ZNF254: variants seen among roughly 807,000 people sequenced by gnomAD.
ZNF254 encodes CTD-2017D11.1.
In ZNF254, 10 loss-of-function variants were observed where a neutral mutation model predicts 12.4. The observed-to-expected ratio is 0.80, with a 90% CI of 0.50 to 1.36. The LOEUF (loss-of-function observed/expected upper bound fraction) is 1.36. Among genes scored for constraint, ZNF254 ranks in the 40% most tolerant of loss-of-function variants. The pLI is 0.00. For missense variants in ZNF254, 996 were observed against 763.9 expected, an observed-to-expected ratio of 1.30 and a Z score of -3.58; for synonymous variants, 305 against 253.4, an observed-to-expected ratio of 1.20 and a Z score of -1.93.
intron 2 of ZNF254, among the ~76,000 whole-genome samples, chr19:24,069,604 C>CAA (rs968664535): frequency 6.0e-4 from 22 of 36,672 alleles, no homozygotes; most frequent in African/African-American, 1.1e-3. Context: ...GACTCCATCT[C>CAA]AAAAAAAAAA....
Position 24,129,847 on chromosome 19 carries a change from T to A in ZNF254, c.*1867T>A, listed in dbSNP as rs1054323630. On this transcript the variant is annotated 3_prime_UTR_variant, in exon 4 of 4. Coordinates refer to ENST00000357002, the MANE Select transcript of ZNF254 (RefSeq NM_203282.4). ...AGTTCTGAATAAATATTTTTAAAAA[T>A]TTTAATATATTTTTCTTTGAATATG... 1 of 151,984 alleles carries A rather than the reference T, an allele frequency of 6.6e-6. No homozygotes were observed. The highest frequency in any genetic ancestry group is 1.5e-5 in the Non-Finnish European group (1 of 67,946). The allele number at this position is 151,984 out of a possible 1,614,324, so 9.4% of individuals were successfully genotyped here.
chr19:24,035,720 G>A (rs1298197238), intron 1 of ZNF254, among the ~76,000 whole-genome samples: 1 of 152,002 alleles, frequency 6.6e-6, no homozygotes, highest in Non-Finnish European at 1.5e-5. Flanking sequence ...GTCAAAATTT[G>A]GGAGCCTGAG....
At chr19:24,054,633 A>G (rs1399205287) in intron 2 of ZNF254, among the ~76,000 whole-genome samples, 1 of 152,144 alleles carries the variant, frequency 6.6e-6, no homozygotes, top group African/African-American at 2.4e-5. Flanking sequence ...CTATGGCTGA[A>G]GTCTTGAATC....
intron 2 of ZNF254, among the ~76,000 whole-genome samples, chr19:24,062,087 C>CAAAAAAAAAAA (rs72097158): frequency 2.2e-4 from 25 of 114,948 alleles, no homozygotes; most frequent in South Asian, 2.9e-4. Context: ...CTCTGTCTCA[C>CAAAAAAAAAAA]AAAAAAAAAA....
Position 24,127,863 on chromosome 19 carries a change from G to C in ZNF254, c.1863G>C (p.Lys621Asn), listed in dbSNP as rs1975009414. Reference sequence around the variant, plus strand: ...GGTCCTCAACCCTAACTAAACATAAGAGAATTCATACTGGAGAGCAACCCT... The same window carrying C: ...GGTCCTCAACCCTAACTAAACATAACAGAATTCATACTGGAGAGCAACCCT... ...FFWSSTLTKH[K>N]RIHTGEQPYK... Residue 621 changes from lysine to asparagine, a missense_variant, in exon 4 of 4, where the codon AAG (lysine) becomes AAC (asparagine). Lys to Asn is a moderately conservative substitution (Grantham distance 94). Coordinates refer to ENST00000357002, the MANE Select transcript of ZNF254 (RefSeq NM_203282.4). 6.2e-7 allele frequency: 1 copy of C among 1,613,382 alleles called. No homozygotes were observed. Among genetic ancestry groups the C allele is most frequent in the South Asian group, 1.1e-5 (1 of 91,064 alleles).
At chr19:24,105,355 TAA>T (rs796272816) in intron 1 of ZNF254, 38 of 206,378 alleles carry the variant, frequency 1.8e-4, no homozygotes, top group Non-Finnish European at 2.6e-4. Flanking sequence ...CTAGAAAAAC[TAA>T]AAAAAAAAAC....
At chr19:24,036,952 C>G (rs538178549) in intron 1 of ZNF254, among the ~76,000 whole-genome samples, 143 of 152,276 alleles carry the variant, frequency 9.4e-4, no homozygotes, top group African/African-American at 3.3e-3. Flanking sequence ...AAATTTCTCA[C>G]CAAAGAATTA....
At chr19:24,102,237 T>G (rs1973075686) in intron 1 of ZNF254, among the ~76,000 whole-genome samples, 1 of 151,790 alleles carries the variant, frequency 6.6e-6, no homozygotes, top group South Asian at 2.1e-4. Context: ...TTGTTTTTTT[T>G]TTTTTTTGCC....
chr19:24,124,757 C>A (rs1215122840), intron 3 of ZNF254, among the ~76,000 whole-genome samples: 1 of 151,466 alleles, frequency 6.6e-6, no homozygotes, highest in Non-Finnish European at 1.5e-5. Context: ...AATGGCACAT[C>A]ACTTTTTTTC....
intron 1 of ZNF254, among the ~76,000 whole-genome samples, chr19:24,103,148 A>G (rs1973131176): frequency 6.6e-6 from 1 of 152,198 alleles, no homozygotes; most frequent in South Asian, 2.1e-4. Flanking sequence ...TGTAAACTTT[A>G]AAGAGCCAGA....
At chr19:24,071,672 G>T (rs1484221158) in intron 2 of ZNF254, among the ~76,000 whole-genome samples, 1 of 152,110 alleles carries the variant, frequency 6.6e-6, no homozygotes, top group African/African-American at 2.4e-5. Context: ...TAATGCCACT[G>T]CACTCCAGCC....
intron 2 of ZNF254, among the ~76,000 whole-genome samples, chr19:24,076,627 A>T (rs1157700685): frequency 6.6e-6 from 1 of 152,168 alleles, no homozygotes; most frequent in Non-Finnish European, 1.5e-5. Context: ...GATCCATTGT[A>T]AAATTATGAA....
chr19:24,036,208 G>A (rs913682669), intron 1 of ZNF254, among the ~76,000 whole-genome samples: 11 of 151,628 alleles, frequency 7.3e-5, no homozygotes, highest in African/African-American at 1.5e-4. Flanking sequence ...GACTATAGGC[G>A]CCTGCCACCA....
chr19:24,063,218 C>A (rs1971141445), intron 2 of ZNF254, among the ~76,000 whole-genome samples: 1 of 152,226 alleles, frequency 6.6e-6, no homozygotes, highest in African/African-American at 2.4e-5. Flanking sequence ...CATTCCTTGA[C>A]TCAGGACATG....
intron 1 of ZNF254, among the ~76,000 whole-genome samples, chr19:24,090,827 C>CA (rs1220660124): frequency 1.3e-5 from 2 of 151,596 alleles, no homozygotes; most frequent in East Asian, 3.9e-4. Context: ...AGGTGAGTTT[C>CA]AAAAACATTA....
intron 1 of ZNF254, among the ~76,000 whole-genome samples, chr19:24,094,830 G>T (rs1417397863): frequency 6.6e-6 from 1 of 152,066 alleles, no homozygotes; most frequent in African/African-American, 2.4e-5. Context: ...GGGATTACAG[G>T]CACCTGCCAT....
chr19:24,127,008 A>G lies in ZNF254; in HGVS notation c.1008A>G (p.Thr336=). Residue 336 remains threonine, a synonymous_variant, in exon 4 of 4, where the codon ACA becomes ACG. Coordinates refer to ENST00000357002, the MANE Select transcript of ZNF254 (RefSeq NM_203282.4). ...ECGKAFIWSS[T]LTRHKRMHTG... is the part of the protein sequence containing the mutation. ...GCAAAGCATTTATATGGTCCTCAAC[A>G]CTAACTAGACATAAGAGGATGCACA... 6.2e-7 allele frequency: 1 copy of G among 1,610,846 alleles called. No individual in the cohort carries two copies. The highest frequency in any genetic ancestry group is 8.5e-7 in the Non-Finnish European group (1 of 1,179,006).
intron 1 of ZNF254, among the ~76,000 whole-genome samples, chr19:24,101,047 G>A (rs1231479587): frequency 1.3e-5 from 2 of 152,026 alleles, no homozygotes; most frequent in Non-Finnish European, 1.5e-5. Flanking sequence ...GGCTGGTCTC[G>A]AACTCCCAAC....
Position 24,126,560 on chromosome 19 carries a change from G to T in ZNF254, c.560G>T (p.Arg187Leu), listed in dbSNP as rs142780494. ...TEKKSFKCKK[R>L]VKLFCMLSHK... ...AAGAAATCTTTCAAATGTAAAAAAC[G>T]TGTCAAATTATTTTGCATGCTTTCA... The change falls in exon 4 of 4, where the codon CGT becomes CTT. Residue 187 changes from arginine (R) to leucine (L), a missense_variant. Transcript: ENST00000357002. The T allele has an allele frequency of 7.6e-5, 122 of 1,604,200 alleles. 1 individual carries two copies. In the African/African-American group the frequency reaches 1.4e-3, roughly 19 times the overall value.
Sources: allele counts gnomAD v4.1 joint callset (sites outside exome capture counted in the v4.1 genomes callset), GRCh38; gene constraint gnomAD v4.1.1; transcripts MANE v1.5; gene names NCBI Gene and HGNC (gene_info 2026-07-23, HGNC 2026-07-21).